SPON1: variants seen among roughly 807,000 people sequenced by gnomAD.
SPON1 encodes spondin 1, also known as spondin-1.
Under a neutral mutation model 111.7 loss-of-function variants are expected in SPON1, and 52 were observed. The ratio of observed to expected loss-of-function variants is 0.47; its 90% CI spans 0.37 to 0.59. SPON1 has a LOEUF of 0.59. Ranked by LOEUF, SPON1 falls within the 20% of genes least tolerant of loss-of-function variation. SPON1 has a pLI of 0.00. For missense variants in SPON1, 957 were observed against 1,068.5 expected (o/e 0.90, Z 1.46); for synonymous variants, 410 against 395.8 (o/e 1.04, Z -0.43).
intron 7 of SPON1, among the ~76,000 whole-genome samples, chr11:14,254,003 G>C (rs558785478): frequency 2.6e-5 from 4 of 152,228 alleles, no homozygotes; most frequent in Non-Finnish European, 5.9e-5. Flanking sequence ...TTAGACTCAG[G>C]ATGTTATTCC....
intron 2 of SPON1, among the ~76,000 whole-genome samples, chr11:14,005,834 A>G (rs1420517113): frequency 1.3e-5 from 2 of 152,072 alleles, no homozygotes; most frequent in Non-Finnish European, 2.9e-5. Context: ...TGAAAGTTCA[A>G]CTCTAGAGCC....
chr11:14,229,678 C>T (rs1848774867), intron 6 of SPON1, among the ~76,000 whole-genome samples: 1 of 152,098 alleles, frequency 6.6e-6, no homozygotes. Flanking sequence ...GTGTCCGACC[C>T]AGAAAGGAGC....
In SPON1 at chr11:14,243,359, G is replaced by A; in HGVS notation, c.853G>A (p.Ala285Thr). 6.3e-7 allele frequency: 1 copy of A among 1,585,372 alleles called. No homozygotes were observed. The change falls in exon 7 of 16, where the codon GCC (alanine) becomes ACC (threonine). Residue 285 changes from alanine to threonine, a missense_variant. Coordinates refer to ENST00000576479, the MANE Select transcript of SPON1 (RefSeq NM_006108.4). ...QSDEVLTVIKAKAQWPAWQPL... is the reference protein window; with the variant it reads ...QSDEVLTVIKTKAQWPAWQPL... ...TGATGAGGTCCTCACCGTCATCAAAGCCAAAGCCCAATGGCCAGCCTGGCA... is the reference window on the plus strand; with the variant it reads ...TGATGAGGTCCTCACCGTCATCAAAACCAAAGCCCAATGGCCAGCCTGGCA...
At chr11:14,129,823 C>G (rs1040109494) in intron 5 of SPON1, among the ~76,000 whole-genome samples, 4 of 152,150 alleles carry the variant, frequency 2.6e-5, no homozygotes, top group African/African-American at 9.7e-5. Flanking sequence ...AGGAAACTTA[C>G]AATCATGGCA....
rs1248855761 is a variant in SPON1 at position 14,244,320 on chromosome 11, C to T, written c.890+924C>T. Among the ~76,000 whole-genome samples the T allele has an allele frequency of 2.0e-5, 3 of 152,244 alleles. No individual in the cohort carries two copies. The East Asian group carries it at 5.8e-4, about 29-fold the overall frequency. ...AGATCACGAGGTCAGGAGATCGAGA[C>T]CATGCTGGCCAACATGGTGAAACTC... On this transcript the variant is annotated intron_variant, in intron 7 of 15. Transcript: ENST00000576479.
intron 5 of SPON1, among the ~76,000 whole-genome samples, chr11:14,087,262 G>T (rs1387843749): frequency 1.3e-5 from 2 of 152,134 alleles, no homozygotes; most frequent in African/African-American, 2.4e-5. Context: ...GATCTTTCCT[G>T]CTTTCTGATG....
At chr11:14,174,174 C>T (rs1564923558) in intron 6 of SPON1, among the ~76,000 whole-genome samples, 1 of 152,198 alleles carries the variant, frequency 6.6e-6, no homozygotes, top group Non-Finnish European at 1.5e-5. Flanking sequence ...GAAGATAGTG[C>T]AATGCTTCTA....
At chr11:14,204,037 C>T (rs781875421) in intron 6 of SPON1, among the ~76,000 whole-genome samples, 3 of 152,132 alleles carry the variant, frequency 2.0e-5, no homozygotes, top group African/African-American at 4.8e-5. Flanking sequence ...GGCCTATCTT[C>T]GGTGTAATGG....
chr11:14,250,372 T>A (rs1849040004), intron 7 of SPON1, among the ~76,000 whole-genome samples: 1 of 151,926 alleles, frequency 6.6e-6, no homozygotes, highest in Non-Finnish European at 1.5e-5. Flanking sequence ...GTCTGTTTTT[T>A]TTTTTTCTTG....
At position 14,016,026 on chromosome 11, in the gene SPON1, T is replaced by A. The variant is rs551264407; in HGVS notation, c.346-25495T>A. ...GGGCAGGATAGTTGATGACTTATTC[T>A]CTGGAGTCATCCAATCTTGGGATTA... On this transcript the variant is annotated intron_variant, in intron 2 of 15. Coordinates refer to ENST00000576479, the MANE Select transcript of SPON1 (RefSeq NM_006108.4). 3.2e-4 allele frequency among the ~76,000 whole-genome samples: 49 copies of A among 152,356 alleles called. 1 individual carries two copies. Among genetic ancestry groups the A allele is most frequent in the Admixed American group, 1.2e-3 (19 of 15,310 alleles).
At chr11:14,060,483 T>A (rs1371348330) in intron 3 of SPON1, among the ~76,000 whole-genome samples, 1 of 152,158 alleles carries the variant, frequency 6.6e-6, no homozygotes, top group Admixed American at 6.5e-5. Context: ...GATCCCTCTA[T>A]ACCTCAGCTT....
At chr11:14,149,482 A>G (rs1554929693) in intron 6 of SPON1, among the ~76,000 whole-genome samples, 1 of 152,220 alleles carries the variant, frequency 6.6e-6, no homozygotes, top group Non-Finnish European at 1.5e-5. Flanking sequence ...AGGTTAATTT[A>G]TTATTGAAGA....
intron 6 of SPON1, among the ~76,000 whole-genome samples, chr11:14,238,321 C>T (rs1185033675): frequency 2.0e-5 from 3 of 151,860 alleles, no homozygotes; most frequent in Admixed American, 2.0e-4. Context: ...GTGCTACCAG[C>T]AGCAAAGGAA....
intron 3 of SPON1, among the ~76,000 whole-genome samples, chr11:14,062,118 A>C (rs1191260753): frequency 3.3e-5 from 5 of 152,106 alleles, no homozygotes; most frequent in Non-Finnish European, 5.9e-5. Flanking sequence ...CCGGACCTAC[A>C]CCTGTGTAAG....
intron 2 of SPON1, among the ~76,000 whole-genome samples, chr11:14,014,819 ATTAAT>A (rs1339583418): frequency 2.6e-5 from 4 of 152,216 alleles, no homozygotes; most frequent in African/African-American, 9.6e-5. Context: ...TTTTTAAAGT[ATTAAT>A]TTAATTATAA....
intron 6 of SPON1, among the ~76,000 whole-genome samples, chr11:14,186,888 A>G (rs1475279535): frequency 6.6e-6 from 1 of 152,174 alleles, no homozygotes; most frequent in Non-Finnish European, 1.5e-5. Context: ...CCCATTTTGC[A>G]GGAGAGGAAA....
At chr11:14,188,565 A>G (rs528506298) in intron 6 of SPON1, among the ~76,000 whole-genome samples, 2 of 152,248 alleles carry the variant, frequency 1.3e-5, no homozygotes, top group Non-Finnish European at 2.9e-5. Context: ...TCATCTGGAA[A>G]GAATAAGCTC....
At chr11:14,061,026 A>T (rs1202823334) in intron 3 of SPON1, among the ~76,000 whole-genome samples, 1 of 152,132 alleles carries the variant, frequency 6.6e-6, no homozygotes, top group Non-Finnish European at 1.5e-5. Flanking sequence ...GAAAGATAAA[A>T]TTTTTCAAGC....
At chr11:14,192,189 G>A (rs1270433200) in intron 6 of SPON1, among the ~76,000 whole-genome samples, 1 of 151,880 alleles carries the variant, frequency 6.6e-6, no homozygotes, top group East Asian at 1.9e-4. Context: ...TAAAATATGT[G>A]TGAAATGTTA....
Sources: allele counts gnomAD v4.1 joint callset (sites outside exome capture counted in the v4.1 genomes callset), GRCh38; gene constraint gnomAD v4.1.1; transcripts MANE v1.5; gene names NCBI Gene and HGNC (gene_info 2026-07-23, HGNC 2026-07-21).